Variants in VWC2 observed in about 807,000 individuals in gnomAD.
VWC2 encodes the protein von Willebrand factor C domain containing 2.
Under a neutral mutation model 29.8 loss-of-function variants are expected in VWC2, and 14 were observed. The observed-to-expected ratio is 0.47, with a 90% CI of 0.31 to 0.74. The LOEUF (loss-of-function observed/expected upper bound fraction) is 0.74. Among genes scored for constraint, VWC2 ranks in the 30% least tolerant of loss-of-function variants. VWC2 has a pLI of 0.05. For synonymous variants in VWC2, 213 were observed against 199.0 expected, an observed-to-expected ratio of 1.07 and a Z score of -0.59; for missense variants, 457 against 459.8, an observed-to-expected ratio of 0.99 and a Z score of 0.05.
chr7:49,852,434 G>A (rs905336810), intron 3 of VWC2, among the ~76,000 whole-genome samples: 3 of 152,192 alleles, frequency 2.0e-5, no homozygotes, highest in African/African-American at 4.8e-5. Context: ...TTTTGCACTT[G>A]CTAGAAATCT....
At chr7:49,863,918 G>GT (rs1157897866) in intron 3 of VWC2, among the ~76,000 whole-genome samples, 1 of 151,998 alleles carries the variant, frequency 6.6e-6, no homozygotes, top group Non-Finnish European at 1.5e-5. Flanking sequence ...TTTTAGCATA[G>GT]TTTTTTCTGT....
intron 3 of VWC2, among the ~76,000 whole-genome samples, chr7:49,888,638 C>G (rs889058155): frequency 6.6e-6 from 1 of 152,132 alleles, no homozygotes; most frequent in Non-Finnish European, 1.5e-5. Flanking sequence ...TTGCCAGGCG[C>G]GGTGGCTCAC....
At chr7:49,841,112 A>G (rs1562725943) in intron 3 of VWC2, among the ~76,000 whole-genome samples, 1 of 152,222 alleles carries the variant, frequency 6.6e-6, no homozygotes. Flanking sequence ...TATGAGACAT[A>G]ATGCATACAA....
chr7:49,882,117 T>G (rs1791691045), intron 3 of VWC2, among the ~76,000 whole-genome samples: 1 of 152,190 alleles, frequency 6.6e-6, no homozygotes, highest in Admixed American at 6.5e-5. Flanking sequence ...TAGATTTATA[T>G]GTGCCATAAT....
intron 3 of VWC2, among the ~76,000 whole-genome samples, chr7:49,807,900 C>G (rs1788914042): frequency 6.6e-6 from 1 of 151,968 alleles, no homozygotes; most frequent in South Asian, 2.1e-4. Context: ...ACCAACACAT[C>G]CAAATAAAGC....
intron 3 of VWC2, among the ~76,000 whole-genome samples, chr7:49,804,643 T>A (rs139303697): frequency 6.6e-6 from 1 of 151,906 alleles, no homozygotes; most frequent in African/African-American, 2.4e-5. Flanking sequence ...AACCCCTGGA[T>A]TTTTTTTTCT....
intron 2 of VWC2, among the ~76,000 whole-genome samples, chr7:49,776,745 A>G (rs1788062772): frequency 6.6e-6 from 1 of 152,206 alleles, no homozygotes; most frequent in Non-Finnish European, 1.5e-5. Flanking sequence ...AATACCGGCC[A>G]TCTCTCTAAT....
chr7:49,909,360 A>T (rs145424678), intron 3 of VWC2, among the ~76,000 whole-genome samples: 1 of 8,774 alleles, frequency 1.1e-4, no homozygotes. Flanking sequence ...AGCTCGAGCC[A>T]AAATATGAGT....
At chr7:49,868,225 TA>T (rs1790995549) in intron 3 of VWC2, among the ~76,000 whole-genome samples, 1 of 152,234 alleles carries the variant, frequency 6.6e-6, no homozygotes, top group African/African-American at 2.4e-5. Context: ...GTAACATTAA[TA>T]GATGCTGTTT....
At chr7:49,909,301 T>A (rs1225552985) in intron 3 of VWC2, among the ~76,000 whole-genome samples, 4 of 152,072 alleles carry the variant, frequency 2.6e-5, no homozygotes. Context: ...TATTTTCAAA[T>A]TTACCTCTGC....
At chr7:49,830,693 G>C (rs190761443) in intron 3 of VWC2, among the ~76,000 whole-genome samples, 1 of 151,882 alleles carries the variant, frequency 6.6e-6, no homozygotes, top group Non-Finnish European at 1.5e-5. Context: ...GACAGGCCTC[G>C]GTGTGTGATG....
intron 3 of VWC2, among the ~76,000 whole-genome samples, chr7:49,844,603 A>T (rs2128714396): frequency 6.6e-6 from 1 of 152,346 alleles, no homozygotes. Flanking sequence ...AGATTGTGAG[A>T]GCCCTGGTCT....
At chr7:49,786,660 T>C (rs548079755) in intron 2 of VWC2, among the ~76,000 whole-genome samples, 1 of 152,316 alleles carries the variant, frequency 6.6e-6, no homozygotes, top group African/African-American at 2.4e-5. Flanking sequence ...TTGTGACCTT[T>C]TAATAATAGC....
rs1794000024 is a variant in VWC2, at chr7:49,921,160, G to A, written c.*8975G>A. The A allele has an allele frequency of 6.6e-6, 1 of 152,224 alleles. No homozygotes were observed. The highest frequency in any genetic ancestry group is 2.1e-4 in the South Asian group (1 of 4,834). The allele number at this position is 152,224 out of a possible 1,614,324, so 9.4% of individuals were successfully genotyped here. On this transcript the variant is annotated 3_prime_UTR_variant, in exon 4 of 4. Transcript: ENST00000340652. ...TGAAGATACCAAAGGGAATTCAAGT[G>A]AGGGGAAAAGAGGAGAGCAAACTGA...
chr7:49,813,432 C>T (rs1436881313), intron 3 of VWC2, among the ~76,000 whole-genome samples: 1 of 152,224 alleles, frequency 6.6e-6, no homozygotes, highest in Non-Finnish European at 1.5e-5. Context: ...TTAACAAACA[C>T]TGTGTGCTTC....
intron 3 of VWC2, among the ~76,000 whole-genome samples, chr7:49,886,010 C>T (rs1262346144): frequency 6.6e-6 from 1 of 152,212 alleles, no homozygotes; most frequent in Non-Finnish European, 1.5e-5. Flanking sequence ...ATTTTGAAAT[C>T]GCTGTTGGAC....
At chr7:49,838,475 T>C (rs1315146597) in intron 3 of VWC2, among the ~76,000 whole-genome samples, 1 of 151,894 alleles carries the variant, frequency 6.6e-6, no homozygotes, top group African/African-American at 2.4e-5. Flanking sequence ...TTTGGGATCT[T>C]GTCAGTGGAG....
chr7:49,803,699 G>A (rs1351854570), intron 3 of VWC2, among the ~76,000 whole-genome samples: 1 of 152,174 alleles, frequency 6.6e-6, no homozygotes, highest in Non-Finnish European at 1.5e-5. Context: ...GCTGGACCGA[G>A]GCTTGATAGC....
At position 49,775,742 on chromosome 7, in the gene VWC2, G is replaced by C. The variant is rs988236458; in HGVS notation, c.307G>C (p.Gly103Arg). 2.6e-6 allele frequency: 4 copies of C among 1,511,696 alleles called. No individual in the cohort carries two copies. Among genetic ancestry groups the C allele is most frequent in the Non-Finnish European group, 3.5e-6 (4 of 1,133,304 alleles). 93.6% of individuals were successfully genotyped at this position (1,511,696 alleles called of 1,614,324 possible). The change falls in exon 2 of 4, where the codon GGC becomes CGC. Residue 103 changes from glycine (G) to arginine (R), a missense_variant. Physicochemically the swap from Gly to Arg is moderately radical, Grantham distance 125. This residue lies in a region of VWC2 where 272 missense variants were observed against 202.7 expected (regional missense o/e 1.34). Coordinates refer to ENST00000340652, the MANE Select transcript of VWC2 (RefSeq NM_198570.5). ...GCAGGCCTGGGTCTCCCAGGGCGGG[G>C]GCGCCAAGGCCGGGGATCTGCAGGT... ...LKQAWVSQGG[G>R]AKAGDLQVRP...
Sources: gnomAD v4.1 joint callset for allele counts (sites outside exome capture counted in the v4.1 genomes callset) on GRCh38, gnomAD v4.1.1 for gene constraint, gnomAD v4.1.1 regional missense constraint, MANE v1.5 for transcripts, NCBI Gene and HGNC (gene_info 2026-07-23, HGNC 2026-07-21) for gene names.